Variants in ASIC2 observed in about 807,000 individuals in gnomAD.
ASIC2 encodes the protein acid sensing ion channel subunit 2.
Under a neutral mutation model 57.3 loss-of-function variants are expected in ASIC2, and 25 were observed. The ratio of observed to expected loss-of-function variants is 0.44; its 90% CI spans 0.32 to 0.61. ASIC2 has a LOEUF of 0.61. Among genes scored for constraint, ASIC2 ranks in the 20% least tolerant of loss-of-function variants. The probability of loss-of-function intolerance (pLI) is 0.06; values close to 1 mark genes in which losing one functional copy is unlikely to be tolerated. For missense variants in ASIC2, 641 were observed against 738.1 expected (o/e 0.87, Z 1.52); for synonymous variants, 319 against 307.5 (o/e 1.04, Z -0.39).
chr17:33,801,677 C>A (rs1464764062), intron 1 of ASIC2, among the ~76,000 whole-genome samples: 1 of 152,154 alleles, frequency 6.6e-6, no homozygotes, highest in South Asian at 2.1e-4. Flanking sequence ...CGTTAATCAC[C>A]CAGTGAACAG....
At chr17:33,164,548 G>A (rs976148871) in intron 1 of ASIC2, among the ~76,000 whole-genome samples, 36 of 150,370 alleles carry the variant, frequency 2.4e-4, no homozygotes, top group Admixed American at 3.3e-4. Flanking sequence ...AGGCTCTCTG[G>A]AAACAGCTGT....
intron 1 of ASIC2, among the ~76,000 whole-genome samples, chr17:34,073,062 T>C (rs1291206560): frequency 6.6e-6 from 1 of 152,188 alleles, no homozygotes; most frequent in Admixed American, 6.5e-5. Context: ...ATGAGATGAA[T>C]GCAACTCGGT....
At chr17:33,283,413 G>A (rs1007709270) in intron 1 of ASIC2, among the ~76,000 whole-genome samples, 1 of 152,114 alleles carries the variant, frequency 6.6e-6, no homozygotes, top group Non-Finnish European at 1.5e-5. Flanking sequence ...ACTGAATCAG[G>A]GTCTCTGTTG....
intron 1 of ASIC2, among the ~76,000 whole-genome samples, chr17:33,191,131 A>C (rs1426575591): frequency 6.6e-6 from 1 of 152,230 alleles, no homozygotes; most frequent in African/African-American, 2.4e-5. Flanking sequence ...CACAATAGAA[A>C]TATGTCTCAG....
chr17:33,815,794 G>C lies in ASIC2; in HGVS notation c.555+340184C>G, dbSNP rs187426321. 5.9e-5 allele frequency among the ~76,000 whole-genome samples: 9 copies of C among 152,260 alleles called. No individual in the cohort carries two copies. The East Asian group carries it at 1.7e-3, about 29-fold the overall frequency. On this transcript the variant is annotated intron_variant, in intron 1 of 9. Coordinates refer to the ASIC2 transcript ENST00000359872. ...CTAGAGCTGGAAGTGTTCCTAGAAT[G>C]CATCTACTCCAATCCTCTCATTTTA...
At chr17:33,522,338 CCT>C (rs1448901261) in intron 1 of ASIC2, among the ~76,000 whole-genome samples, 4 of 152,236 alleles carry the variant, frequency 2.6e-5, no homozygotes, top group Non-Finnish European at 4.4e-5. Context: ...CATTCGGACT[CCT>C]CTGAGAAACC....
At chr17:33,575,181 G>A (rs1235860310) in intron 1 of ASIC2, among the ~76,000 whole-genome samples, 1 of 152,220 alleles carries the variant, frequency 6.6e-6, no homozygotes, top group Non-Finnish European at 1.5e-5. Context: ...GGTTGGCTTT[G>A]CCACTACCTC....
chr17:33,763,951 C>A (rs1320070115), intron 1 of ASIC2, among the ~76,000 whole-genome samples: 1 of 152,182 alleles, frequency 6.6e-6, no homozygotes, highest in Admixed American at 6.5e-5. Flanking sequence ...GCATCAACTC[C>A]ATCCTGGGGG....
At chr17:33,395,212 C>T (rs2141955070) in intron 1 of ASIC2, among the ~76,000 whole-genome samples, 1 of 147,196 alleles carries the variant, frequency 6.8e-6, no homozygotes, top group Non-Finnish European at 1.5e-5. Context: ...ATCCATCCAT[C>T]CGTCCATCCA....
At chr17:33,083,108 A>C (rs1458852599) in intron 3 of ASIC2, among the ~76,000 whole-genome samples, 1 of 152,206 alleles carries the variant, frequency 6.6e-6, no homozygotes, top group East Asian at 1.9e-4. Flanking sequence ...GAGGTGAGTT[A>C]AGGAGGCAGC....
At chr17:33,125,006 G>A (rs977481661) in intron 1 of ASIC2, among the ~76,000 whole-genome samples, 7 of 152,314 alleles carry the variant, frequency 4.6e-5, no homozygotes, top group Middle Eastern at 3.4e-3. Context: ...TGATCTGAGA[G>A]GAGGCTGAGT....
intron 1 of ASIC2, among the ~76,000 whole-genome samples, chr17:33,414,726 T>A (rs1910779287): frequency 6.6e-6 from 1 of 152,152 alleles, no homozygotes; most frequent in African/African-American, 2.4e-5. Context: ...CTGAACACGT[T>A]TCATTTCTCT....
At chr17:33,523,338 C>T (rs1019769853) in intron 1 of ASIC2, among the ~76,000 whole-genome samples, 4 of 152,158 alleles carry the variant, frequency 2.6e-5, no homozygotes, top group Non-Finnish European at 5.9e-5. Flanking sequence ...CTCACTGCAA[C>T]CTCCTACTCC....
intron 1 of ASIC2, among the ~76,000 whole-genome samples, chr17:34,074,323 G>A (rs116379065): frequency 6.2e-4 from 94 of 152,212 alleles, no homozygotes; most frequent in African/African-American, 2.1e-3. Flanking sequence ...TAATTCTAAC[G>A]ATCCCCAAAT....
intron 1 of ASIC2, among the ~76,000 whole-genome samples, chr17:33,415,390 T>C (rs1044590626): frequency 2.6e-4 from 39 of 152,254 alleles, no homozygotes; most frequent in Non-Finnish European, 1.5e-5. Context: ...AAATAGTTGT[T>C]ATATTTTTTA....
At chr17:34,080,357 C>A (rs1451325773) in intron 1 of ASIC2, among the ~76,000 whole-genome samples, 1 of 152,186 alleles carries the variant, frequency 6.6e-6, no homozygotes, top group Non-Finnish European at 1.5e-5. Context: ...TGAACTCAGC[C>A]CAGCTTCCCT....
At chr17:33,327,680 GA>G (rs1567824186) in intron 1 of ASIC2, among the ~76,000 whole-genome samples, 1 of 152,150 alleles carries the variant, frequency 6.6e-6, no homozygotes, top group Non-Finnish European at 1.5e-5. Context: ...TCGTTCATTA[GA>G]AAAGACTCCT....
intron 1 of ASIC2, among the ~76,000 whole-genome samples, chr17:33,856,129 G>C (rs899551448): frequency 2.7e-4 from 41 of 152,190 alleles, no homozygotes; most frequent in Non-Finnish European, 1.5e-5. Flanking sequence ...ACTGTACACA[G>C]AGAGGTCAGG....
chr17:33,849,569 G>A (rs915027001), intron 1 of ASIC2, among the ~76,000 whole-genome samples: 3 of 152,162 alleles, frequency 2.0e-5, no homozygotes, highest in African/African-American at 7.2e-5. Flanking sequence ...TCACCAGGGA[G>A]GTGATCATGG....
Sources: allele counts gnomAD v4.1 joint callset (sites outside exome capture counted in the v4.1 genomes callset), GRCh38; gene constraint gnomAD v4.1.1; transcripts MANE v1.5; gene names NCBI Gene and HGNC (gene_info 2026-07-23, HGNC 2026-07-21).